Variants in ZMYM2 observed in about 807,000 individuals in gnomAD.
ZMYM2 encodes zinc finger MYM-type protein 2.
A neutral mutation model predicts 162.8 loss-of-function variants in ZMYM2; 56 were observed. The observed-to-expected ratio is 0.34, with a 90% CI of 0.28 to 0.43. The LOEUF (loss-of-function observed/expected upper bound fraction) is 0.43, where lower values mean the gene tolerates loss of function less well. ZMYM2 is among the 20% of genes least tolerant of loss of function. The probability of loss-of-function intolerance (pLI) is 1.00; values close to 1 mark genes in which losing one functional copy is unlikely to be tolerated. For synonymous variants in ZMYM2, 510 were observed against 541.6 expected, an observed-to-expected ratio of 0.94 and a Z score of 0.81; for missense variants, 1,275 against 1,621.8, an observed-to-expected ratio of 0.79 and a Z score of 3.67.
intron 12 of ZMYM2, among the ~76,000 whole-genome samples, chr13:20,047,708 CTGAA>C (rs1437692559): frequency 1.3e-5 from 2 of 152,040 alleles, no homozygotes; most frequent in Non-Finnish European, 2.9e-5. Flanking sequence ...TGACAAGACA[CTGAA>C]TGAGCTGTGT....
intron 6 of ZMYM2, among the ~76,000 whole-genome samples, chr13:20,008,317 G>A (rs1192662013): frequency 6.6e-6 from 1 of 152,096 alleles, no homozygotes. Context: ...TTTTGGTAGC[G>A]ATTGGGTTTC....
intron 12 of ZMYM2, among the ~76,000 whole-genome samples, chr13:20,039,938 A>T (rs1463237226): frequency 2.0e-5 from 3 of 152,200 alleles, no homozygotes; most frequent in African/African-American, 4.8e-5. Flanking sequence ...GATAGAGCCT[A>T]CTTGATCATG....
chr13:19,906,541 T>G, the ZMYM2 span, among the ~76,000 whole-genome samples: 5 of 123,654 alleles, frequency 4.0e-5, no homozygotes, highest in Admixed American at 8.6e-5. Context: ...TATATATATT[T>G]TTTTTGTTTT....
the ZMYM2 span, among the ~76,000 whole-genome samples, chr13:19,865,908 C>T: frequency 1.3e-5 from 2 of 152,200 alleles, no homozygotes; most frequent in South Asian, 2.1e-4. Flanking sequence ...AGCATTATGA[C>T]CAAGTCTACA....
At chr13:20,006,334 A>C (rs1950747573) in intron 5 of ZMYM2, 40 bp from the exon 6 acceptor site, 1 of 1,516,456 alleles carries the variant, frequency 6.6e-7, no homozygotes, top group African/African-American at 1.4e-5. Context: ...TACTTGTCAG[A>C]TTGATCTGTT....
At chr13:19,988,768 A>G (rs1160051082) in intron 2 of ZMYM2, among the ~76,000 whole-genome samples, 1 of 152,114 alleles carries the variant, frequency 6.6e-6, no homozygotes, top group Non-Finnish European at 1.5e-5. Context: ...CCTGGGTGAC[A>G]GAGACTCCAT....
chr13:19,889,478 C>T, the ZMYM2 span, among the ~76,000 whole-genome samples: 1 of 151,880 alleles, frequency 6.6e-6, no homozygotes, highest in Non-Finnish European at 1.5e-5. Context: ...CGCCACCACA[C>T]CTGGCTAATT....
At chr13:20,037,843 A>G (rs565169785) in intron 12 of ZMYM2, among the ~76,000 whole-genome samples, 1 of 152,324 alleles carries the variant, frequency 6.6e-6, no homozygotes, top group South Asian at 2.1e-4. Context: ...CATGACCCAA[A>G]TTTACCAAAG....
chr13:19,898,060 A>G, the ZMYM2 span, among the ~76,000 whole-genome samples: 14 of 152,318 alleles, frequency 9.2e-5, no homozygotes, highest in African/African-American at 3.4e-4. Context: ...TCAGGTACAC[A>G]TGGGAAATTC....
chr13:20,038,945 T>C (rs1953982683), intron 12 of ZMYM2, among the ~76,000 whole-genome samples: 1 of 152,208 alleles, frequency 6.6e-6, no homozygotes, highest in African/African-American at 2.4e-5. Flanking sequence ...TTGTGTCATC[T>C]CTGATTTCTT....
At chr13:19,948,235 C>T in the ZMYM2 span, among the ~76,000 whole-genome samples, 1 of 152,258 alleles carries the variant, frequency 6.6e-6, no homozygotes, top group East Asian at 1.9e-4. Context: ...ATCCAGTTTA[C>T]CGCTCTCCTT....
At chr13:19,894,493 C>T in the ZMYM2 span, among the ~76,000 whole-genome samples, 8 of 151,782 alleles carry the variant, frequency 5.3e-5, no homozygotes, top group African/African-American at 1.9e-4. Context: ...TTACAGGTGC[C>T]TGCCACCACG....
At chr13:20,026,878 CTT>C in intron 8 of ZMYM2, 116 bp downstream of exon 8, 1 of 1,138,372 alleles carries the variant, frequency 8.8e-7, no homozygotes, top group South Asian at 1.8e-5. Context: ...TTATATTAAT[CTT>C]TTTGAAAACT....
At chr13:19,998,134 T>C (rs1414316224) in intron 3 of ZMYM2, among the ~76,000 whole-genome samples, 1 of 152,178 alleles carries the variant, frequency 6.6e-6, no homozygotes, top group East Asian at 1.9e-4. Flanking sequence ...TAGAGAATAA[T>C]GGATGAAGAG....
chr13:19,885,007 A>C, the ZMYM2 span, among the ~76,000 whole-genome samples: 2 of 152,054 alleles, frequency 1.3e-5, no homozygotes, highest in East Asian at 3.9e-4. Context: ...TTTTTACAGA[A>C]TGCTGATTGG....
chr13:20,082,822 A>G lies in ZMYM2; in HGVS notation c.3610A>G (p.Ile1204Val), dbSNP rs778621881. 1 of 1,613,060 alleles carries G rather than the reference A, an allele frequency of 6.2e-7. No homozygotes were observed. Among genetic ancestry groups the G allele is most frequent in the Non-Finnish European group, 8.5e-7 (1 of 1,179,276 alleles). ...AGTTGAAGAAGACTATCTCTGGAGG[A>G]TAAAACAACTAGGATCACACTCTCC... ...SRVEEDYLWRIKQLGSHSPVA... is the reference protein window; with the variant it reads ...SRVEEDYLWRVKQLGSHSPVA... The change falls in exon 23 of 25, where the codon ATA becomes GTA. Residue 1204 changes from isoleucine to valine, a missense_variant. Physicochemically the swap from Ile to Val is conservative, Grantham distance 29. Coordinates refer to ENST00000610343, the MANE Select transcript of ZMYM2 (RefSeq NM_197968.4).
At chr13:19,964,371 G>A (rs981323301) in intron 2 of ZMYM2, among the ~76,000 whole-genome samples, 2 of 145,322 alleles carry the variant, frequency 1.4e-5, no homozygotes, top group East Asian at 2.0e-4. Flanking sequence ...GTGAGAGACC[G>A]TCTCAAAAAT....
At chr13:19,924,059 T>C in the ZMYM2 span, among the ~76,000 whole-genome samples, 1 of 152,142 alleles carries the variant, frequency 6.6e-6, no homozygotes, top group Non-Finnish European at 1.5e-5. Context: ...TTTGTAACTA[T>C]CATAACATTT....
the ZMYM2 span, among the ~76,000 whole-genome samples, chr13:19,895,053 G>A: frequency 7.0e-6 from 1 of 143,308 alleles, no homozygotes; most frequent in African/African-American, 2.6e-5. Flanking sequence ...CTCCAGACTG[G>A]GCGAAAGAGC....
Sources: gnomAD v4.1 joint callset for allele counts (sites outside exome capture counted in the v4.1 genomes callset) on GRCh38, gnomAD v4.1.1 for gene constraint, MANE v1.5 for transcripts, NCBI Gene and HGNC (gene_info 2026-07-23, HGNC 2026-07-21) for gene names.